TMEM120B: variants seen among roughly 807,000 people sequenced by gnomAD.
TMEM120B encodes transmembrane protein 120B.
A neutral mutation model predicts 55.5 loss-of-function variants in TMEM120B; 31 were observed. The ratio of observed to expected loss-of-function variants is 0.56; its 90% CI spans 0.42 to 0.75. The LOEUF (loss-of-function observed/expected upper bound fraction) is 0.75. Among genes scored for constraint, TMEM120B ranks in the 30% least tolerant of loss-of-function variants. The probability of loss-of-function intolerance (pLI) is 0.00; values close to 1 mark genes in which losing one functional copy is unlikely to be tolerated. For synonymous variants in TMEM120B, 203 were observed against 176.3 expected, an observed-to-expected ratio of 1.15 and a Z score of -1.20; for missense variants, 399 against 425.5, an observed-to-expected ratio of 0.94 and a Z score of 0.55.
chr12:121,779,268 C>T lies in TMEM120B; in HGVS notation c.*3546C>T. 1.7e-6 allele frequency: 1 copy of T among 573,564 alleles called. No individual in the cohort carries two copies. The highest frequency in any genetic ancestry group is 3.1e-6 in the Non-Finnish European group (1 of 321,596). 35.5% of individuals were successfully genotyped at this position (573,564 alleles called of 1,614,324 possible). A position where few individuals can be genotyped will look rare whatever the true frequency, so the allele number is the denominator to read the frequency against. ...GGCACTTGCGAGTCCCGACAACAGACACTGGCTCCTGCACCCACATCACCA... is the reference window on the plus strand; with the variant it reads ...GGCACTTGCGAGTCCCGACAACAGATACTGGCTCCTGCACCCACATCACCA... On this transcript the variant is annotated 3_prime_UTR_variant, in exon 12 of 12. Transcript: ENST00000449592.
chr12:121,712,935 G>A lies in TMEM120B; in HGVS notation c.40G>A (p.Glu14Lys). The stretch of plus-strand genomic sequence containing the variant: ...GGAGCGTTGCGAGCGCGAATGGCAC[G>A]AGCTGGAGGGAGAATTTCAAGAACT... ...QLERCEREWH[E>K]LEGEFQELQE... Residue 14 changes from glutamate to lysine, a missense_variant, in exon 1 of 12, where the codon GAG becomes AAG. By Grantham distance (56) the Glu-to-Lys change is moderately conservative. This residue lies in a region of TMEM120B where 133 missense variants were observed against 104.1 expected (regional missense o/e 1.28). Coordinates refer to ENST00000449592, the MANE Select transcript of TMEM120B (RefSeq NM_001080825.2). 6.5e-7 allele frequency: 1 copy of A among 1,539,486 alleles called. No individual in the cohort carries two copies. Among genetic ancestry groups the A allele is most frequent in the Admixed American group, 2.2e-5 (1 of 44,576 alleles).
chr12:121,713,597 C>G (rs931876516), intron 1 of TMEM120B, among the ~76,000 whole-genome samples: 1 of 152,164 alleles, frequency 6.6e-6, no homozygotes, highest in African/African-American at 2.4e-5. Context: ...ACTCCCAGCT[C>G]TATCCTTCTG....
intron 8 of TMEM120B, among the ~76,000 whole-genome samples, 175 bp downstream of exon 8, chr12:121,771,724 C>T (rs1316397542): frequency 6.6e-6 from 1 of 152,154 alleles, no homozygotes; most frequent in African/African-American, 2.4e-5. Flanking sequence ...GTCAGCTCCA[C>T]CCACCTCCCA....
At chr12:121,714,497 C>T (rs865858524) in intron 1 of TMEM120B, among the ~76,000 whole-genome samples, 1 of 150,970 alleles carries the variant, frequency 6.6e-6, no homozygotes, top group Admixed American at 6.6e-5. Flanking sequence ...TCACCCACCT[C>T]GGCCTCCCAA....
Position 121,775,743 on chromosome 12 carries a change from C to CG in TMEM120B, c.*23dup. ...CGTGAGCCTCGGGCTCCTGTGCCCT[C>CG]GGCCCGGACTTCAGACTGCAGGGGG... On this transcript the variant is annotated 3_prime_UTR_variant, in exon 12 of 12. Coordinates refer to ENST00000449592, the MANE Select transcript of TMEM120B (RefSeq NM_001080825.2). This position sits in a 1 kb window ranked among gnomAD's most constrained non-coding sequence, Gnocchi z 4.3. 3.1e-6 allele frequency: 5 copies of CG among 1,612,538 alleles called. No homozygotes were observed. Among genetic ancestry groups the CG allele is most frequent in the Non-Finnish European group, 3.4e-6 (4 of 1,179,416 alleles).
At chr12:121,748,861 C>T (rs1003626382) in intron 3 of TMEM120B, among the ~76,000 whole-genome samples, 12 of 152,188 alleles carry the variant, frequency 7.9e-5, no homozygotes, top group African/African-American at 2.7e-4. Flanking sequence ...GATTCAGAGA[C>T]ATCAGCGAAT....
chr12:121,758,246 G>T (rs936256118), intron 5 of TMEM120B: 1 of 985,342 alleles, frequency 1.0e-6, no homozygotes. Flanking sequence ...TGGTGGGTCG[G>T]CCTCTCCACT....
At position 121,712,869 on chromosome 12, in the gene TMEM120B, G is replaced by C. The variant is rs767250755; in HGVS notation, c.-27G>C. On this transcript the variant is annotated 5_prime_UTR_variant, in exon 1 of 12. Transcript: ENST00000449592. ...GGGCAGCGCTGCGGGAGCAGCCGCC[G>C]GCACCGCCGCCTTGCACCATCGCAT... 1.4e-6 allele frequency: 2 copies of C among 1,459,682 alleles called. No homozygotes were observed. The highest frequency in any genetic ancestry group is 1.5e-5 in the African/African-American group (1 of 67,428). The allele number at this position is 1,459,682 out of a possible 1,614,324, so 90.4% of individuals were successfully genotyped here.
chr12:121,722,648 G>A (rs1055297460), intron 1 of TMEM120B, among the ~76,000 whole-genome samples: 1 of 152,024 alleles, frequency 6.6e-6, no homozygotes, highest in African/African-American at 2.4e-5. Flanking sequence ...CAAAAACATT[G>A]AAAACAACAC....
chr12:121,723,427 T>C (rs2136996265), intron 1 of TMEM120B, among the ~76,000 whole-genome samples: 1 of 152,252 alleles, frequency 6.6e-6, no homozygotes, highest in Admixed American at 6.6e-5. Flanking sequence ...AGCAGGGAGC[T>C]GTTACTAGTC....
In TMEM120B at chr12:121,747,262, G is replaced by A. The variant is rs574890595; in HGVS notation, c.189-1064G>A. On this transcript the variant is annotated intron_variant, in intron 2 of 11. Coordinates refer to ENST00000449592, the MANE Select transcript of TMEM120B (RefSeq NM_001080825.2). Reference sequence around the variant, plus strand: ...GTTGCGAGAGGCACTGGGGTAGAAGGTGGGAGGCTGGGGTAGAAGGCGGGA... The same window carrying A: ...GTTGCGAGAGGCACTGGGGTAGAAGATGGGAGGCTGGGGTAGAAGGCGGGA... Among the ~76,000 whole-genome samples the A allele has an allele frequency of 2.4e-4, 36 of 147,006 alleles. No individual in the cohort carries two copies. In the East Asian group the frequency reaches 6.8e-3, roughly 28 times the overall value.
intron 5 of TMEM120B, among the ~76,000 whole-genome samples, chr12:121,760,461 G>C (rs1283742182): frequency 2.0e-5 from 3 of 152,200 alleles, no homozygotes; most frequent in Non-Finnish European, 4.4e-5. Flanking sequence ...GTCTGCATGC[G>C]CAGTGGCCTG....
chr12:121,744,506 C>T (rs1873025909), intron 2 of TMEM120B, among the ~76,000 whole-genome samples: 2 of 152,176 alleles, frequency 1.3e-5, no homozygotes, highest in African/African-American at 4.8e-5. Flanking sequence ...GGTGCCCTCC[C>T]CACTGGGGTT....
chr12:121,727,785 A>C (rs565339327), intron 1 of TMEM120B, among the ~76,000 whole-genome samples: 1 of 149,316 alleles, frequency 6.7e-6, no homozygotes, highest in African/African-American at 2.4e-5. Context: ...GAGGCAGGAG[A>C]ATGGCGTGAA....
At chr12:121,762,632 A>G (rs1318113247) in intron 6 of TMEM120B, among the ~76,000 whole-genome samples, 1 of 152,158 alleles carries the variant, frequency 6.6e-6, no homozygotes, top group Non-Finnish European at 1.5e-5. Flanking sequence ...TCAGGAGAGG[A>G]ATGGTTCCTC....
At chr12:121,733,608 C>T (rs1238308554) in intron 1 of TMEM120B, among the ~76,000 whole-genome samples, 1 of 150,554 alleles carries the variant, frequency 6.6e-6, no homozygotes. Flanking sequence ...GGTGTGACCT[C>T]GGCTCACTGC....
chr12:121,719,989 C>G (rs1894766190), intron 1 of TMEM120B, among the ~76,000 whole-genome samples: 1 of 152,164 alleles, frequency 6.6e-6, no homozygotes, highest in Non-Finnish European at 1.5e-5. Context: ...CATGAGCCAC[C>G]TTGCCCGGCC....
rs1001601619 is a variant in TMEM120B at position 121,771,093 on chromosome 12, G to C, written c.617+121G>C. 2.7e-5 allele frequency: 29 copies of C among 1,084,324 alleles called. No individual in the cohort carries two copies. In the South Asian group the frequency reaches 3.4e-4, roughly 13 times the overall value. 67.2% of individuals were successfully genotyped at this position (1,084,324 alleles called of 1,614,324 possible). A position where few individuals can be genotyped will look rare whatever the true frequency, so the allele number is the denominator to read the frequency against. ...TGTGCTCCAGGGCCAACTTGGGAAAGAAAGTATGAGCCTGCAGCTGCGCCG... is the reference window on the plus strand; with the variant it reads ...TGTGCTCCAGGGCCAACTTGGGAAACAAAGTATGAGCCTGCAGCTGCGCCG... On this transcript the variant is annotated intron_variant, in intron 7 of 11. Transcript: ENST00000449592.
chr12:121,777,897 G>A lies in TMEM120B; in HGVS notation c.*2175G>A, dbSNP rs1874297488. ...AAGAACTCCTTGGTTGATTCCCCAG[G>A]GTACGGCAGGGCCTTGGGAACCTGG... On this transcript the variant is annotated 3_prime_UTR_variant, in exon 12 of 12. Coordinates refer to ENST00000449592, the MANE Select transcript of TMEM120B (RefSeq NM_001080825.2). 6.6e-6 allele frequency: 1 copy of A among 152,226 alleles called. No homozygotes were observed. The highest frequency in any genetic ancestry group is 1.5e-5 in the Non-Finnish European group (1 of 68,050). The allele number at this position is 152,226 out of a possible 1,614,324, so 9.4% of individuals were successfully genotyped here.
Sources: allele counts gnomAD v4.1 joint callset (sites outside exome capture counted in the v4.1 genomes callset), GRCh38; gene constraint gnomAD v4.1.1; regional missense constraint gnomAD v4.1.1; non-coding constraint Gnocchi (gnomAD v3.1); transcripts MANE v1.5; gene names NCBI Gene and HGNC (gene_info 2026-07-23, HGNC 2026-07-21).